DNAH7: variants seen among roughly 807,000 people sequenced by gnomAD.
The protein encoded by DNAH7 is dynein axonemal heavy chain 7, also known as axonemal beta dynein heavy chain 7.
Under a neutral mutation model 444.6 loss-of-function variants are expected in DNAH7, and 397 were observed. The observed-to-expected ratio is 0.89, with a 90% confidence interval of 0.82 to 0.97. The LOEUF (loss-of-function observed/expected upper bound fraction) is 0.97. Among genes scored for constraint, DNAH7 ranks in the 50% least tolerant of loss-of-function variants. The pLI, the probability that DNAH7 is intolerant of heterozygous loss-of-function variation, is 0.00. For missense variants in DNAH7, 4,902 were observed against 4,800.8 expected, an observed-to-expected ratio of 1.02 and a Z score of -0.62; for synonymous variants, 1,636 against 1,624.4, an observed-to-expected ratio of 1.01 and a Z score of -0.17.
intron 47 of DNAH7, among the ~76,000 whole-genome samples, chr2:195,840,678 CA>C (rs1487694895): frequency 1.3e-5 from 2 of 151,626 alleles, no homozygotes; most frequent in Non-Finnish European, 3.0e-5. Flanking sequence ...AGTCAATATT[CA>C]AAAATAAACT....
At chr2:195,748,412 A>C (rs1693562230) in intron 63 of DNAH7, among the ~76,000 whole-genome samples, 1 of 152,232 alleles carries the variant, frequency 6.6e-6, no homozygotes, top group South Asian at 2.1e-4. Context: ...TGTACTGCCC[A>C]AGGTAATTTA....
At chr2:195,831,717 C>G (rs528546059) in intron 48 of DNAH7, among the ~76,000 whole-genome samples, 143 of 152,250 alleles carry the variant, frequency 9.4e-4, no homozygotes, top group African/African-American at 3.2e-3. Flanking sequence ...GAAAATCTTG[C>G]TTGTGTAACA....
chr2:195,761,625 T>G (rs191282161), intron 61 of DNAH7, among the ~76,000 whole-genome samples: 12 of 152,270 alleles, frequency 7.9e-5, no homozygotes, highest in Non-Finnish European at 1.5e-4. Flanking sequence ...TTCCAATATG[T>G]CTGGCAGCAG....
chr2:195,923,615 G>T lies in DNAH7; in HGVS notation c.3805C>A (p.Gln1269Lys). 6.2e-7 allele frequency: 1 copy of T among 1,614,006 alleles called. No individual in the cohort carries two copies. The highest frequency in any genetic ancestry group is 1.1e-5 in the South Asian group (1 of 91,040). The change falls in exon 23 of 65, where the codon CAG becomes AAG. Residue 1269 changes from glutamine (Q) to lysine (K), a missense_variant. Coordinates refer to ENST00000312428, the MANE Select transcript of DNAH7 (RefSeq NM_018897.3). ...SDDSDFEWLS[Q>K]LRYYWQENHL... Reference sequence around the variant, plus strand: ...CTTACTTGCCAGTAGTACCTAAGCTGACTTAACCATTCAAAGTCAGAGTCA... The same window carrying T: ...CTTACTTGCCAGTAGTACCTAAGCTTACTTAACCATTCAAAGTCAGAGTCA...
At chr2:195,747,029 A>G (rs1693458893) in intron 63 of DNAH7, among the ~76,000 whole-genome samples, 1 of 152,224 alleles carries the variant, frequency 6.6e-6, no homozygotes, top group Non-Finnish European at 1.5e-5. Flanking sequence ...AGACACAAAA[A>G]AACCCTTCAA....
intron 10 of DNAH7, among the ~76,000 whole-genome samples, chr2:196,006,260 C>T (rs1021807135): frequency 7.2e-5 from 11 of 152,042 alleles, no homozygotes; most frequent in Admixed American, 5.2e-4. Context: ...GAGCCAGGAT[C>T]GCACCACTGC....
rs1688341298 is a variant in DNAH7 at position 195,926,462 on chromosome 2, T to C, written c.3576A>G (p.Thr1192=). 1.3e-6 allele frequency: 2 copies of C among 1,599,826 alleles called. No individual in the cohort carries two copies. The highest frequency in any genetic ancestry group is 1.7e-6 in the Non-Finnish European group (2 of 1,174,310). ...TVLCVSQIFW[T]KEVQTAIPMG... The stretch of plus-strand genomic sequence containing the variant: ...TTGGAATAGCTGTTTGTACTTCTTT[T>C]GTCCAAAAGATTTGGGATACACAGA... The change falls in exon 22 of 65, where the codon ACA becomes ACG. Residue 1192 remains threonine (T), a synonymous_variant. Coordinates refer to ENST00000312428, the MANE Select transcript of DNAH7 (RefSeq NM_018897.3).
chr2:195,934,624 T>C lies in DNAH7; in HGVS notation c.3438A>G (p.Glu1146=). The stretch of plus-strand genomic sequence containing the variant: ...TGGAGTTAATCATAACTCTCTCTAA[T>C]TCAACCAACCACTTCTCCACTTGAC... ...ARGQVEKWLV[E]LERVMINSIH... is the part of the protein sequence containing the mutation. Residue 1146 remains glutamate, a synonymous_variant, in exon 21 of 65, where the codon GAA becomes GAG. Transcript: ENST00000312428. 2 of 1,614,142 alleles carry C rather than the reference T, an allele frequency of 1.2e-6. No individual in the cohort carries two copies. Among genetic ancestry groups the C allele is most frequent in the Non-Finnish European group, 8.5e-7 (1 of 1,179,986 alleles).
chr2:195,992,610 A>T (rs1471704735), intron 12 of DNAH7, among the ~76,000 whole-genome samples: 1 of 152,248 alleles, frequency 6.6e-6, no homozygotes, highest in Non-Finnish European at 1.5e-5. Context: ...TCAGGCACAT[A>T]GCATTTCAAT....
rs545651774 is a variant in DNAH7, at chr2:195,851,815, G to A, written c.8781+1528C>T. Among the ~76,000 whole-genome samples the A allele has an allele frequency of 2.3e-4, 35 of 152,310 alleles. No individual in the cohort carries two copies. The South Asian group carries it at 6.8e-3, about 30-fold the overall frequency. ...CTAGTGATGTGCTCTGAACCAGCAG[G>A]GAAAGGTAAGGGTGGCTGAAGCTAC... On this transcript the variant is annotated intron_variant, in intron 46 of 64. Coordinates refer to ENST00000312428, the MANE Select transcript of DNAH7 (RefSeq NM_018897.3).
chr2:195,817,119 T>C (rs1413618382), intron 50 of DNAH7, among the ~76,000 whole-genome samples, 156 bp from the exon 51 acceptor site: 1 of 152,208 alleles, frequency 6.6e-6, no homozygotes, highest in Non-Finnish European at 1.5e-5. Context: ...ATTAATTTCT[T>C]ATCTCGTAAA....
intron 31 of DNAH7, 116 bp from the exon 32 acceptor site, chr2:195,889,097 T>C: frequency 1.0e-6 from 1 of 1,004,584 alleles, no homozygotes; most frequent in African/African-American, 1.6e-5. Flanking sequence ...AATTTCATCA[T>C]GAAAACGTAA....
intron 48 of DNAH7, among the ~76,000 whole-genome samples, chr2:195,833,121 C>A (rs567165079): frequency 1.3e-5 from 2 of 152,028 alleles, no homozygotes; most frequent in Non-Finnish European, 2.9e-5. Flanking sequence ...TACAGTGATG[C>A]ACACACACAC....
Position 195,936,588 on chromosome 2 carries a change from A to G in DNAH7, c.3272+11T>C. 2 of 1,563,742 alleles carry G rather than the reference A, an allele frequency of 1.3e-6. No homozygotes were observed. Among genetic ancestry groups the G allele is most frequent in the Non-Finnish European group, 1.7e-6 (2 of 1,163,100 alleles). ...AAATTTAGTCATGTATTCTACATGTAAATTACTTACCTAGTGGGATCTTTA... is the reference window on the plus strand; with the variant it reads ...AAATTTAGTCATGTATTCTACATGTGAATTACTTACCTAGTGGGATCTTTA... On this transcript the variant is annotated intron_variant, in intron 20 of 64. Coordinates refer to ENST00000312428, the MANE Select transcript of DNAH7 (RefSeq NM_018897.3).
intron 7 of DNAH7, among the ~76,000 whole-genome samples, chr2:196,025,367 A>T (rs1043086488): frequency 1.3e-5 from 2 of 152,160 alleles, no homozygotes; most frequent in African/African-American, 2.4e-5. Context: ...TATGCAAATC[A>T]TATGTATTAC....
Position 195,910,181 on chromosome 2 carries a change from G to A in DNAH7, c.3950C>T (p.Ala1317Val). 6.2e-7 allele frequency: 1 copy of A among 1,608,996 alleles called. No homozygotes were observed. The highest frequency in any genetic ancestry group is 2.2e-5 in the East Asian group (1 of 44,698). ...TDRCYRTLFG[A>V]LHLHLGGAPE... ...TGCTCCTCCAAGGTGCAAATGAAGG[G>A]CTCCAAATAAGGTTCTGAAACATAT... The change falls in exon 25 of 65, where the codon GCC (alanine) becomes GTC (valine). Residue 1317 changes from alanine to valine, a missense_variant. Physicochemically the swap from Ala to Val is moderately conservative, Grantham distance 64. Transcript: ENST00000312428.
At position 196,012,724 on chromosome 2, in the gene DNAH7, T is replaced by G; in HGVS notation, c.989+63A>C. 5 of 1,544,924 alleles carry G rather than the reference T, an allele frequency of 3.2e-6. No homozygotes were observed. In the South Asian group the frequency reaches 4.8e-5, roughly 15 times the overall value. ...TTGGATCTTCTAAAAGCAGTTAAAA[T>G]GCAGTAGCCCACAATCATATTTTTA... On this transcript the variant is annotated intron_variant, in intron 10 of 64. Coordinates refer to ENST00000312428, the MANE Select transcript of DNAH7 (RefSeq NM_018897.3).
chr2:195,747,400 A>G (rs1240073885), intron 63 of DNAH7, among the ~76,000 whole-genome samples: 2 of 152,242 alleles, frequency 1.3e-5, no homozygotes, highest in Non-Finnish European at 2.9e-5. Context: ...GCCTAATTCT[A>G]CCAGAGGCAC....
At chr2:195,966,182 C>G (rs996681150) in intron 17 of DNAH7, among the ~76,000 whole-genome samples, 17 of 151,664 alleles carry the variant, frequency 1.1e-4, no homozygotes, top group African/African-American at 4.1e-4. Context: ...GAAATTTTTC[C>G]ATTTCCTCTT....
Sources: gnomAD v4.1 joint callset for allele counts (sites outside exome capture counted in the v4.1 genomes callset) on GRCh38, gnomAD v4.1.1 for gene constraint, MANE v1.5 for transcripts, NCBI Gene and HGNC (gene_info 2026-07-23, HGNC 2026-07-21) for gene names.